IKBKB: variants seen among roughly 807,000 people sequenced by gnomAD.
The protein encoded by IKBKB is inhibitor of nuclear factor kappa B kinase subunit beta.
Under a neutral mutation model 113.6 loss-of-function variants are expected in IKBKB, and 42 were observed. The ratio of observed to expected loss-of-function variants is 0.37; its 90% CI spans 0.29 to 0.48. The LOEUF is 0.48. Among genes scored for constraint, IKBKB ranks in the 20% least tolerant of loss-of-function variants. The pLI, the probability that IKBKB is intolerant of heterozygous loss-of-function variation, is 0.99. For synonymous variants in IKBKB, 296 were observed against 361.3 expected (o/e 0.82, Z 2.05); for missense variants, 673 against 939.7 (o/e 0.72, Z 3.71).
At chr8:42,311,129 G>A (rs773720563) in intron 8 of IKBKB, among the ~76,000 whole-genome samples, 20 of 152,200 alleles carry the variant, frequency 1.3e-4, no homozygotes, top group African/African-American at 1.9e-4. Context: ...ATAAATACAC[G>A]TCTCCACCTG....
At chr8:42,303,913 C>G (rs1464471000) in intron 5 of IKBKB, among the ~76,000 whole-genome samples, 1 of 152,190 alleles carries the variant, frequency 6.6e-6, no homozygotes, top group Non-Finnish European at 1.5e-5. Context: ...CCCCACCTCT[C>G]TTATCTTTTG....
chr8:42,276,676 G>A (rs1217609703), intron 2 of IKBKB, among the ~76,000 whole-genome samples: 1 of 149,630 alleles, frequency 6.7e-6, no homozygotes, highest in African/African-American at 2.4e-5. Context: ...TCTTTTCCCA[G>A]ACCAATGCCC....
intron 12 of IKBKB, among the ~76,000 whole-genome samples, chr8:42,318,242 A>G (rs1330555704): frequency 6.6e-6 from 1 of 151,906 alleles, no homozygotes; most frequent in South Asian, 2.1e-4. Flanking sequence ...AGCCTGGGTG[A>G]CAAGAGCGAG....
intron 20 of IKBKB, among the ~76,000 whole-genome samples, chr8:42,327,443 T>A (rs1028175587): frequency 6.6e-6 from 1 of 151,024 alleles, no homozygotes; most frequent in Non-Finnish European, 1.5e-5. Flanking sequence ...AAGTGATTCT[T>A]CTGCCTCAGC....
intron 2 of IKBKB, among the ~76,000 whole-genome samples, chr8:42,284,727 T>C (rs1466940493): frequency 1.3e-5 from 2 of 151,984 alleles, no homozygotes; most frequent in Non-Finnish European, 2.9e-5. Context: ...TGGGCAAAAA[T>C]GTGTCTGAGC....
intron 5 of IKBKB, among the ~76,000 whole-genome samples, chr8:42,294,763 G>T (rs1321615433): frequency 6.6e-6 from 1 of 152,174 alleles, no homozygotes; most frequent in Admixed American, 6.6e-5. Flanking sequence ...CACATGGCCC[G>T]CATGAGTCTC....
intron 2 of IKBKB, among the ~76,000 whole-genome samples, chr8:42,286,728 A>T (rs1811491412): frequency 6.6e-6 from 1 of 152,178 alleles, no homozygotes; most frequent in Admixed American, 6.5e-5. Flanking sequence ...TCTGTTGCTC[A>T]CTTACAAGAT....
intron 5 of IKBKB, among the ~76,000 whole-genome samples, chr8:42,303,554 A>T (rs918435407): frequency 1.3e-5 from 2 of 150,624 alleles, no homozygotes; most frequent in African/African-American, 4.9e-5. Context: ...CCCAGGTTGG[A>T]GTGCAGTGGC....
intron 2 of IKBKB, among the ~76,000 whole-genome samples, chr8:42,284,330 C>A (rs1810952114): frequency 6.6e-6 from 1 of 152,134 alleles, no homozygotes; most frequent in Non-Finnish European, 1.5e-5. Flanking sequence ...CACCTGTAAT[C>A]CCAGCACTTT....
At chr8:42,291,776 T>C (rs1340192003) in intron 4 of IKBKB, among the ~76,000 whole-genome samples, 2 of 151,938 alleles carry the variant, frequency 1.3e-5, no homozygotes, top group African/African-American at 4.8e-5. Flanking sequence ...AAATAAAAAA[T>C]GAAAAATTAG....
chr8:42,318,811 A>G, intron 13 of IKBKB, 136 bp downstream of exon 13: 2 of 869,210 alleles, frequency 2.3e-6, no homozygotes, highest in Non-Finnish European at 3.4e-6. Flanking sequence ...GTTTGGATGG[A>G]CGGGAAGCGG....
chr8:42,302,230 A>T (rs891882015), intron 5 of IKBKB, among the ~76,000 whole-genome samples: 26 of 152,228 alleles, frequency 1.7e-4, no homozygotes, highest in Non-Finnish European at 2.6e-4. Flanking sequence ...TTTTAATAAA[A>T]GTAAAACAAA....
chr8:42,325,633 C>G, intron 19 of IKBKB: 1 of 1,028,310 alleles, frequency 9.7e-7, no homozygotes, highest in Non-Finnish European at 1.2e-6. Context: ...GAGCCAAGAT[C>G]GCACATCGCA....
chr8:42,289,573 G>C (rs1368279229), intron 3 of IKBKB, among the ~76,000 whole-genome samples: 1 of 152,102 alleles, frequency 6.6e-6, no homozygotes, highest in Non-Finnish European at 1.5e-5. Context: ...GGCGTGAGGT[G>C]GGCTCCGAAA....
At chr8:42,323,217 C>T (rs534874830) in intron 19 of IKBKB, among the ~76,000 whole-genome samples, 1 of 152,374 alleles carries the variant, frequency 6.6e-6, no homozygotes, top group South Asian at 2.1e-4. Context: ...CAAGTACGGT[C>T]ACACTCACAG....
intron 21 of IKBKB, among the ~76,000 whole-genome samples, chr8:42,330,554 A>G (rs559819018): frequency 6.6e-6 from 1 of 152,200 alleles, no homozygotes; most frequent in East Asian, 1.9e-4. Flanking sequence ...TCTTTTGCCC[A>G]GGGTGGAGTG....
intron 21 of IKBKB, chr8:42,330,384 C>A: frequency 1.1e-6 from 1 of 875,670 alleles, no homozygotes; most frequent in Non-Finnish European, 1.4e-6. Flanking sequence ...CTGGGTCTTG[C>A]TATGTTGCCC....
chr8:42,272,224 T>C lies in IKBKB; in HGVS notation c.105+19T>C, dbSNP rs772276185. 2 of 1,614,018 alleles carry C rather than the reference T, an allele frequency of 1.2e-6. No individual in the cohort carries two copies. The highest frequency in any genetic ancestry group is 1.7e-6 in the Non-Finnish European group (2 of 1,179,990). On this transcript the variant is annotated intron_variant, in intron 2 of 21. Coordinates refer to ENST00000520810, the MANE Select transcript of IKBKB (RefSeq NM_001556.3). The stretch of plus-strand genomic sequence containing the variant: ...CAATCAGGTAGGCCCTCTGTGCAGC[T>C]TGGGGAGGGGCGGGGAGCCAGGCCC...
intron 20 of IKBKB, 22 bp from the exon 21 acceptor site, chr8:42,329,102 A>G: frequency 6.3e-7 from 1 of 1,592,954 alleles, no homozygotes; most frequent in Non-Finnish European, 8.6e-7. Context: ...CCACTTTCTA[A>G]TAATTTGATC....
Sources: allele counts gnomAD v4.1 joint callset (sites outside exome capture counted in the v4.1 genomes callset), GRCh38; gene constraint gnomAD v4.1.1; transcripts MANE v1.5; gene names NCBI Gene and HGNC (gene_info 2026-07-23, HGNC 2026-07-21).